The following PCDH9 variants were observed in gnomAD, a reference collection of about 807,000 sequenced individuals.
The protein encoded by PCDH9 is protocadherin-9.
Under a neutral mutation model 70.6 loss-of-function variants are expected in PCDH9, and 24 were observed. The observed-to-expected ratio is 0.34, with a 90% CI of 0.25 to 0.48. PCDH9 has a LOEUF of 0.48. PCDH9 is among the 20% of genes least tolerant of loss of function. PCDH9 has a pLI of 0.99. For missense variants in PCDH9, 1,281 were observed against 1,503.6 expected, an observed-to-expected ratio of 0.85 and a Z score of 2.45; for synonymous variants, 562 against 558.5, an observed-to-expected ratio of 1.01 and a Z score of -0.09.
chr13:66,344,998 T>C (rs1413887317), intron 4 of PCDH9, among the ~76,000 whole-genome samples: 1 of 152,202 alleles, frequency 6.6e-6, no homozygotes, highest in Non-Finnish European at 1.5e-5. Context: ...TGGGCTTTCT[T>C]ATCTTCCACT....
intron 4 of PCDH9, among the ~76,000 whole-genome samples, chr13:66,585,450 C>A (rs1423959275): frequency 1.3e-5 from 2 of 152,058 alleles, no homozygotes; most frequent in Admixed American, 1.3e-4. Flanking sequence ...CCTGAGCAAA[C>A]CTCCTGAATA....
chr13:66,975,638 G>A (rs375376770), intron 2 of PCDH9, among the ~76,000 whole-genome samples: 42 of 151,998 alleles, frequency 2.8e-4, no homozygotes, highest in African/African-American at 9.2e-4. Context: ...ACAAGGAGAC[G>A]GAAGAATCTT....
At chr13:66,511,728 C>A (rs1959481702) in intron 4 of PCDH9, among the ~76,000 whole-genome samples, 1 of 152,110 alleles carries the variant, frequency 6.6e-6, no homozygotes, top group Non-Finnish European at 1.5e-5. Flanking sequence ...AAATCTGATT[C>A]TGTAAGTGTG....
At chr13:66,365,264 G>A (rs916203370) in intron 4 of PCDH9, among the ~76,000 whole-genome samples, 2 of 152,120 alleles carry the variant, frequency 1.3e-5, no homozygotes, top group African/African-American at 4.8e-5. Flanking sequence ...GTCATCTAAC[G>A]GCTCTTGTAG....
intron 3 of PCDH9, among the ~76,000 whole-genome samples, chr13:66,713,843 G>A (rs2078832869): frequency 6.6e-6 from 1 of 151,692 alleles, no homozygotes; most frequent in African/African-American, 2.4e-5. Context: ...AAATCTACAT[G>A]AGGCAAGCAG....
At position 66,303,729 on chromosome 13, in the gene PCDH9, C is replaced by T. The variant is rs1044514313; in HGVS notation, c.*926G>A. Reference sequence around the variant, plus strand: ...TCCATTACTCTCTCACTTAATGGTACTAATTAAGTGATTTTGCTTTTGCCT... The same window carrying T: ...TCCATTACTCTCTCACTTAATGGTATTAATTAAGTGATTTTGCTTTTGCCT... On this transcript the variant is annotated 3_prime_UTR_variant, in exon 5 of 5. Transcript: ENST00000377865. 6 of 152,278 alleles carry T rather than the reference C, an allele frequency of 3.9e-5. No homozygotes were observed. The highest frequency in any genetic ancestry group is 1.4e-4 in the African/African-American group (6 of 41,412). The allele number at this position is 152,278 out of a possible 1,614,324, so 9.4% of individuals were successfully genotyped here.
intron 4 of PCDH9, among the ~76,000 whole-genome samples, chr13:66,375,012 T>C (rs1956723256): frequency 6.6e-6 from 1 of 152,082 alleles, no homozygotes; most frequent in African/African-American, 2.4e-5. Flanking sequence ...TAAGTATAAC[T>C]CAGGAAGATT....
At chr13:67,025,815 C>T (rs900530218) in intron 2 of PCDH9, among the ~76,000 whole-genome samples, 1 of 151,898 alleles carries the variant, frequency 6.6e-6, no homozygotes, top group African/African-American at 2.4e-5. Context: ...TCAGTTTTAC[C>T]TTAATAAATC....
At chr13:66,386,180 C>T (rs2138255698) in intron 4 of PCDH9, among the ~76,000 whole-genome samples, 1 of 152,188 alleles carries the variant, frequency 6.6e-6, no homozygotes, top group Non-Finnish European at 1.5e-5. Context: ...TAATACTATG[C>T]CATTATGCAA....
chr13:67,192,016 A>C lies in PCDH9; in HGVS notation c.3036+33389T>G, dbSNP rs567773931. ...TGATACCTATTTCAGAAAAAAAAAA[A>C]CATGTTGTACAAGTGTAATTTGTCG... On this transcript the variant is annotated intron_variant, in intron 2 of 4. Transcript: ENST00000377865. Among the ~76,000 whole-genome samples, 375 of 147,900 alleles carry C rather than the reference A, an allele frequency of 2.5e-3. 2 individuals are homozygous for C. The highest frequency in any genetic ancestry group is 0.021 in the Middle Eastern group (6 of 286).
intron 3 of PCDH9, among the ~76,000 whole-genome samples, chr13:66,816,971 A>G (rs2080617618): frequency 6.6e-6 from 1 of 151,472 alleles, no homozygotes; most frequent in Non-Finnish European, 1.5e-5. Context: ...CCTTGAATTC[A>G]ACCAACCAAC....
At chr13:67,071,888 C>CAAAAAAAA (rs5804309) in intron 2 of PCDH9, among the ~76,000 whole-genome samples, 2 of 86,688 alleles carry the variant, frequency 2.3e-5, no homozygotes, top group African/African-American at 8.9e-5. Context: ...GACTTTGTCT[C>CAAAAAAAA]AAAAAAAAAA....
intron 4 of PCDH9, among the ~76,000 whole-genome samples, chr13:66,427,676 T>A (rs1957695648): frequency 6.6e-6 from 1 of 151,734 alleles, no homozygotes; most frequent in Non-Finnish European, 1.5e-5. Flanking sequence ...TCCCACCTTT[T>A]TTTTCTCAAG....
In PCDH9 at chr13:66,845,346, G is replaced by A. The variant is rs936587001; in HGVS notation, c.3138+58158C>T. ...CTGGCATCTCAGCGCTGCCGTGAGC[G>A]TGTGTTCACCTGGCCAGGTTGTGAC... On this transcript the variant is annotated intron_variant, in intron 3 of 4. Coordinates refer to ENST00000377865, the MANE Select transcript of PCDH9 (RefSeq NM_203487.3). Among the ~76,000 whole-genome samples the A allele has an allele frequency of 3.3e-5, 5 of 152,334 alleles. No homozygotes were observed. In the East Asian group the frequency reaches 7.7e-4, roughly 24 times the overall value.
At chr13:66,847,270 G>T (rs376552860) in intron 3 of PCDH9, among the ~76,000 whole-genome samples, 19 of 152,088 alleles carry the variant, frequency 1.2e-4, no homozygotes, top group East Asian at 5.8e-4. Flanking sequence ...GTGATTATAA[G>T]CCATTTTAAA....
intron 3 of PCDH9, among the ~76,000 whole-genome samples, chr13:66,649,719 T>C (rs1056826695): frequency 6.6e-6 from 1 of 151,916 alleles, no homozygotes; most frequent in African/African-American, 2.4e-5. Context: ...GTAGAAAGAC[T>C]AGAAGGTGAA....
intron 3 of PCDH9, among the ~76,000 whole-genome samples, chr13:66,737,800 T>TG (rs1195672610): frequency 1.3e-5 from 2 of 152,070 alleles, no homozygotes; most frequent in African/African-American, 4.8e-5. Flanking sequence ...GCTTAGAAAA[T>TG]GGCGCACCAC....
intron 4 of PCDH9, among the ~76,000 whole-genome samples, chr13:66,326,850 A>G (rs76116048): frequency 6.6e-6 from 1 of 152,198 alleles, no homozygotes. Flanking sequence ...AAAACTATTA[A>G]ACATACAAAA....
chr13:66,619,415 T>G (rs990416455), intron 4 of PCDH9, among the ~76,000 whole-genome samples: 27 of 152,098 alleles, frequency 1.8e-4, no homozygotes, highest in African/African-American at 6.3e-4. Context: ...AAATAAAACT[T>G]TTAGAATTTG....
Sources: allele counts gnomAD v4.1 joint callset (sites outside exome capture counted in the v4.1 genomes callset), GRCh38; gene constraint gnomAD v4.1.1; transcripts MANE v1.5; gene names NCBI Gene and HGNC (gene_info 2026-07-23, HGNC 2026-07-21).